The following MDGA2 variants were observed in gnomAD, a reference collection of about 807,000 sequenced individuals.
MDGA2 encodes the protein MAM domain-containing glycosylphosphatidylinositol anchor protein 2.
Under a neutral mutation model 117.8 loss-of-function variants are expected in MDGA2, and 40 were observed. The observed-to-expected ratio is 0.34, with a 90% CI of 0.26 to 0.44. MDGA2 has a LOEUF of 0.44. Ranked by LOEUF, MDGA2 falls within the 20% of genes least tolerant of loss-of-function variation. MDGA2 has a pLI of 1.00. For synonymous variants in MDGA2, 452 were observed against 439.0 expected, an observed-to-expected ratio of 1.03 and a Z score of -0.37; for missense variants, 1,123 against 1,250.6, an observed-to-expected ratio of 0.90 and a Z score of 1.54.
intron 8 of MDGA2, among the ~76,000 whole-genome samples, chr14:47,026,708 TC>T (rs1360381821): frequency 6.6e-6 from 1 of 152,110 alleles, no homozygotes; most frequent in Non-Finnish European, 1.5e-5. Flanking sequence ...AAAGACAAAT[TC>T]CTTTTTAACT....
chr14:47,158,363 GGTGTGTGT>G lies in MDGA2; in HGVS notation c.596-14097_596-14090del, dbSNP rs34198544. On this transcript the variant is annotated intron_variant, in intron 3 of 16. Transcript: ENST00000399232. The stretch of plus-strand genomic sequence containing the variant: ...TTTCTCAGAACATATCCCTGGGGTG[GGTGTGTGT>G]GTGTGTGTGTGTGTGTGTGTGTGTG... Among the ~76,000 whole-genome samples the G allele has an allele frequency of 3.1e-4, 46 of 146,778 alleles. 1 individual carries two copies. The East Asian group carries it at 6.1e-3, about 19-fold the overall frequency.
chr14:47,311,415 G>A (rs1331602253), intron 1 of MDGA2, among the ~76,000 whole-genome samples: 1 of 152,082 alleles, frequency 6.6e-6, no homozygotes, highest in Non-Finnish European at 1.5e-5. Context: ...GCCTGCCAAT[G>A]TCCCCACTGT....
intron 10 of MDGA2, among the ~76,000 whole-genome samples, chr14:46,919,167 T>C (rs147570898): frequency 6.6e-6 from 1 of 152,222 alleles, no homozygotes; most frequent in Non-Finnish European, 1.5e-5. Flanking sequence ...TGATCAGTCT[T>C]ACTCGATGAA....
At chr14:47,054,744 C>G (rs997819727) in intron 7 of MDGA2, among the ~76,000 whole-genome samples, 2 of 151,626 alleles carry the variant, frequency 1.3e-5, no homozygotes, top group Non-Finnish European at 2.9e-5. Flanking sequence ...CAAAAACAAG[C>G]AATGGGGAAA....
intron 1 of MDGA2, among the ~76,000 whole-genome samples, chr14:47,558,565 CT>C (rs1895732368): frequency 6.6e-6 from 1 of 152,088 alleles, no homozygotes; most frequent in Admixed American, 6.6e-5. Flanking sequence ...ATAAAACAGG[CT>C]TTTAAGTAGT....
intron 1 of MDGA2, among the ~76,000 whole-genome samples, chr14:47,640,970 G>A (rs1897412201): frequency 1.3e-5 from 2 of 151,616 alleles, no homozygotes; most frequent in Non-Finnish European, 2.9e-5. Flanking sequence ...ACCATTTCCC[G>A]AATAAGCAAG....
At chr14:47,321,559 C>T (rs916250857) in intron 1 of MDGA2, among the ~76,000 whole-genome samples, 7 of 152,128 alleles carry the variant, frequency 4.6e-5, no homozygotes, top group African/African-American at 1.7e-4. Flanking sequence ...TCTGTGGTTT[C>T]TTCTGTGCTA....
intron 1 of MDGA2, among the ~76,000 whole-genome samples, chr14:47,400,587 G>A (rs1449816285): frequency 6.6e-6 from 1 of 151,004 alleles, no homozygotes; most frequent in African/African-American, 2.4e-5. Context: ...GTAGGAGGCT[G>A]AGGCAGGAGA....
At chr14:47,163,997 A>G (rs531282422) in intron 3 of MDGA2, among the ~76,000 whole-genome samples, 1 of 152,306 alleles carries the variant, frequency 6.6e-6, no homozygotes, top group South Asian at 2.1e-4. Context: ...CATCTAGCTC[A>G]CAGACTGTTT....
At chr14:47,058,534 T>G in intron 7 of MDGA2, 1 of 984,570 alleles carries the variant, frequency 1.0e-6, no homozygotes. Context: ...CCTTGTATGC[T>G]ATAGCTTATT....
Position 47,594,866 on chromosome 14 carries a change from A to G in MDGA2, c.280+79651T>C, listed in dbSNP as rs146955911. Among the ~76,000 whole-genome samples the G allele has an allele frequency of 4.2e-3, 641 of 152,264 alleles. 6 individuals carry two copies. Among genetic ancestry groups the G allele is most frequent in the African/African-American group, 0.015 (611 of 41,572 alleles). ...TTGTTCTTAAGTTGCTTGTAGCACA[A>G]TGGGTAAGAAAGACTGTATGGTGTA... is the stretch of plus-strand genomic sequence containing the variant. On this transcript the variant is annotated intron_variant, in intron 1 of 16. Coordinates refer to ENST00000399232, the MANE Select transcript of MDGA2 (RefSeq NM_001113498.3).
At chr14:46,843,927 G>A (rs1880715711) in intron 16 of MDGA2, among the ~76,000 whole-genome samples, 1 of 152,096 alleles carries the variant, frequency 6.6e-6, no homozygotes, top group African/African-American at 2.4e-5. Context: ...GATTCCAGAT[G>A]AGTCTAAGAT....
intron 9 of MDGA2, among the ~76,000 whole-genome samples, chr14:46,925,499 G>A (rs753863696): frequency 1.1e-4 from 16 of 151,768 alleles, no homozygotes; most frequent in African/African-American, 3.9e-4. Context: ...GGGAGTGGTG[G>A]CAGGCACCAG....
At chr14:47,227,543 A>C (rs575101128) in intron 2 of MDGA2, among the ~76,000 whole-genome samples, 81 of 152,264 alleles carry the variant, frequency 5.3e-4, no homozygotes, top group African/African-American at 1.9e-3. Flanking sequence ...CTAAAGAATC[A>C]GTCTTAAAAT....
At chr14:47,359,868 T>C (rs1417262728) in intron 1 of MDGA2, among the ~76,000 whole-genome samples, 1 of 148,530 alleles carries the variant, frequency 6.7e-6, no homozygotes, top group Non-Finnish European at 1.5e-5. Context: ...AAAGCAAAAA[T>C]AAACATGTAG....
At position 46,967,730 on chromosome 14, in the gene MDGA2, G is replaced by C. The variant is rs556966216; in HGVS notation, c.1820-10087C>G. On this transcript the variant is annotated intron_variant, in intron 8 of 16. Transcript: ENST00000399232. Reference sequence around the variant, plus strand: ...TCCCCAGCAAATGACAGAACTTGCAGATAGTACTGAACACTATATTTACTG... The same window carrying C: ...TCCCCAGCAAATGACAGAACTTGCACATAGTACTGAACACTATATTTACTG... 5.3e-5 allele frequency among the ~76,000 whole-genome samples: 8 copies of C among 152,274 alleles called. No individual in the cohort carries two copies. The East Asian group carries it at 1.4e-3, about 26-fold the overall frequency.
chr14:47,421,581 A>C (rs1424503181), intron 1 of MDGA2, among the ~76,000 whole-genome samples: 1 of 152,186 alleles, frequency 6.6e-6, no homozygotes, highest in African/African-American at 2.4e-5. Context: ...TACTGTGTTG[A>C]TATTCAGGGA....
chr14:47,033,081 C>T (rs2138637820), intron 8 of MDGA2, among the ~76,000 whole-genome samples: 1 of 152,226 alleles, frequency 6.6e-6, no homozygotes, highest in African/African-American at 2.4e-5. Flanking sequence ...TATGTTCATC[C>T]CTGTCACACT....
chr14:47,238,318 G>A (rs1295697985), intron 2 of MDGA2, among the ~76,000 whole-genome samples: 1 of 152,144 alleles, frequency 6.6e-6, no homozygotes, highest in Non-Finnish European at 1.5e-5. Flanking sequence ...CATGTGGGCT[G>A]AGATTGTGTA....
Sources: gnomAD v4.1 joint callset for allele counts (sites outside exome capture counted in the v4.1 genomes callset) on GRCh38, gnomAD v4.1.1 for gene constraint, MANE v1.5 for transcripts, NCBI Gene and HGNC (gene_info 2026-07-23, HGNC 2026-07-21) for gene names.